The following QTGAL variants were observed in gnomAD, a reference collection of about 807,000 sequenced individuals.
QTGAL encodes the protein queuosine-tRNA galactosyltransferase, also known as BGnT-like protein 1.
chr17:83,001,068 T>C, the QTGAL span, among the ~76,000 whole-genome samples: 18 of 152,206 alleles, frequency 1.2e-4, no homozygotes, highest in African/African-American at 4.1e-4. Context: ...GATCAAACTG[T>C]ACATTTGAAA....
the QTGAL span, among the ~76,000 whole-genome samples, chr17:83,048,268 T>A: frequency 2.0e-5 from 3 of 152,208 alleles, no homozygotes; most frequent in African/African-American, 7.2e-5. Flanking sequence ...CCTCAAAGGA[T>A]CCGCCTGCCT....
chr17:83,005,449 G>A, the QTGAL span: 3 of 627,048 alleles, frequency 4.8e-6, no homozygotes, highest in East Asian at 5.5e-5. This position sits in a 1 kb window ranked among gnomAD's most constrained non-coding sequence, Gnocchi z 5.6. Context: ...CCCTGGACGC[G>A]CATCTCGGCG....
the QTGAL span, among the ~76,000 whole-genome samples, chr17:82,950,185 GC>G: frequency 6.6e-6 from 1 of 152,206 alleles, no homozygotes; most frequent in Non-Finnish European, 1.5e-5. Context: ...GACCGTGGGG[GC>G]TCTGGGCCCT....
the QTGAL span, among the ~76,000 whole-genome samples, chr17:82,991,970 T>C: frequency 6.6e-6 from 1 of 151,928 alleles, no homozygotes; most frequent in Admixed American, 6.6e-5. Context: ...GCAGAAGAAT[T>C]AGTGAGCTTG....
At chr17:83,026,883 A>G in the QTGAL span, among the ~76,000 whole-genome samples, 2 of 143,050 alleles carry the variant, frequency 1.4e-5, no homozygotes, top group African/African-American at 5.3e-5. Context: ...AAGCCTGCAG[A>G]CAAACCCACC....
At chr17:83,039,543 T>A in the QTGAL span, among the ~76,000 whole-genome samples, 19 of 112,412 alleles carry the variant, frequency 1.7e-4, no homozygotes, top group Admixed American at 1.2e-3. Flanking sequence ...CTAGACACAC[T>A]GCTGGGCGCC....
chr17:83,006,295 C>T, the QTGAL span: 34 of 985,366 alleles, frequency 3.5e-5, no homozygotes, highest in Admixed American at 3.7e-4. The surrounding 1 kb of genome is among the most constrained non-coding windows in gnomAD (Gnocchi z 5.8). Flanking sequence ...AGCGTTTACG[C>T]GTAGTGAGTG....
chr17:83,031,239 G>A, the QTGAL span, among the ~76,000 whole-genome samples: 4 of 151,774 alleles, frequency 2.6e-5, no homozygotes, highest in Non-Finnish European at 4.4e-5. Flanking sequence ...TAAACTCAGC[G>A]ACGGCCGCCA....
At chr17:83,047,767 A>G in the QTGAL span, among the ~76,000 whole-genome samples, 642 of 148,520 alleles carry the variant, frequency 4.3e-3, 9 homozygotes, top group Admixed American at 6.1e-3. Context: ...ACCAAAGAAT[A>G]AGAAATTTAG....
chr17:83,033,633 A>G, the QTGAL span, among the ~76,000 whole-genome samples: 3 of 150,354 alleles, frequency 2.0e-5, no homozygotes, highest in Admixed American at 6.6e-5. Context: ...CACCACGCCC[A>G]GCTAATTTTT....
At chr17:82,977,464 C>T in the QTGAL span, among the ~76,000 whole-genome samples, 1 of 152,010 alleles carries the variant, frequency 6.6e-6, no homozygotes, top group African/African-American at 2.4e-5. Flanking sequence ...GTGGTCTCTA[C>T]CCCTTGGTGT....
the QTGAL span, among the ~76,000 whole-genome samples, chr17:82,983,744 G>T: frequency 6.6e-6 from 1 of 152,054 alleles, no homozygotes; most frequent in Non-Finnish European, 1.5e-5. Context: ...GCAGGGCAGG[G>T]GCCCCGGGGC....
the QTGAL span, chr17:82,942,408 T>C: frequency 6.2e-7 from 1 of 1,613,854 alleles, no homozygotes; most frequent in Non-Finnish European, 8.5e-7. Flanking sequence ...ATGGTGTGTG[T>C]TGGAGCTGAC....
the QTGAL span, among the ~76,000 whole-genome samples, chr17:83,046,538 C>T: frequency 2.6e-5 from 4 of 152,364 alleles, no homozygotes; most frequent in East Asian, 5.8e-4. Context: ...CACCACTTCA[C>T]ACCCACTAGC....
chr17:83,036,170 C>T, the QTGAL span, among the ~76,000 whole-genome samples: 2 of 152,212 alleles, frequency 1.3e-5, no homozygotes, highest in African/African-American at 4.8e-5. Flanking sequence ...TACCCAAGTG[C>T]AGAATGGAAA....
At chr17:82,970,549 C>T in the QTGAL span, among the ~76,000 whole-genome samples, 9 of 137,282 alleles carry the variant, frequency 6.6e-5, 2 homozygotes, top group Non-Finnish European at 1.0e-4. Context: ...CCTCCGCACC[C>T]GGCGTGGCCG....
chr17:82,944,076 C>T, the QTGAL span: 1 of 152,224 alleles, frequency 6.6e-6, no homozygotes, highest in Non-Finnish European at 1.5e-5. Context: ...CAAGTGGCTT[C>T]TGAGAAAAAC....
chr17:83,031,570 T>C, the QTGAL span, among the ~76,000 whole-genome samples: 1 of 152,190 alleles, frequency 6.6e-6, no homozygotes, highest in African/African-American at 2.4e-5. Context: ...AACCTGGCCA[T>C]GGGACAGTCA....
At chr17:83,016,833 A>G in the QTGAL span, among the ~76,000 whole-genome samples, 2 of 152,064 alleles carry the variant, frequency 1.3e-5, no homozygotes, top group Non-Finnish European at 2.9e-5. Flanking sequence ...CCTGACAGGT[A>G]TTTCAAAAAG....
Sources: allele counts gnomAD v4.1 joint callset (sites outside exome capture counted in the v4.1 genomes callset), GRCh38; gene constraint gnomAD v4.1.1; non-coding constraint Gnocchi (gnomAD v3.1); transcripts MANE v1.5; gene names NCBI Gene and HGNC (gene_info 2026-07-23, HGNC 2026-07-21).